Variants in MECOM observed in about 807,000 individuals in gnomAD.
The protein encoded by MECOM is histone-lysine N-methyltransferase MECOM.
MECOM carries 13 observed loss-of-function variants against 116.3 expected under a neutral mutation model. The ratio of observed to expected loss-of-function variants is 0.11; its 90% CI spans 0.07 to 0.18. The LOEUF is 0.18. Among genes scored for constraint, MECOM ranks in the 10% least tolerant of loss-of-function variants. The pLI is 1.00. For synonymous variants in MECOM, 528 were observed against 535.2 expected (o/e 0.99, Z 0.19); for missense variants, 1,299 against 1,509.0 (o/e 0.86, Z 2.31).
At chr3:169,619,727 C>CT (rs1454880710) in intron 1 of MECOM, among the ~76,000 whole-genome samples, 1 of 152,132 alleles carries the variant, frequency 6.6e-6, no homozygotes, top group Middle Eastern at 3.2e-3. Context: ...CTGAACAGCC[C>CT]TACTCTCCCC....
At chr3:169,394,692 C>T (rs758322575) in intron 1 of MECOM, among the ~76,000 whole-genome samples, 1 of 152,050 alleles carries the variant, frequency 6.6e-6, no homozygotes, top group Non-Finnish European at 1.5e-5. Context: ...TATTATGAGC[C>T]ATAGGAGATG....
intron 1 of MECOM, among the ~76,000 whole-genome samples, chr3:169,600,373 G>A (rs1022534448): frequency 4.6e-5 from 7 of 152,132 alleles, no homozygotes; most frequent in African/African-American, 1.7e-4. Flanking sequence ...AGAAAGTCAA[G>A]AATTAGTCAC....
At chr3:169,285,179 T>C (rs1337217931) in intron 2 of MECOM, among the ~76,000 whole-genome samples, 4 of 152,176 alleles carry the variant, frequency 2.6e-5, no homozygotes, top group African/African-American at 9.7e-5. Context: ...TCTGGGCCAT[T>C]ATGAAAAGTG....
intron 1 of MECOM, among the ~76,000 whole-genome samples, chr3:169,382,621 A>T (rs992312494): frequency 2.0e-5 from 3 of 152,096 alleles, no homozygotes; most frequent in African/African-American, 7.2e-5. Flanking sequence ...ATAGAACTTC[A>T]AGGAAGGAAC....
intron 9 of MECOM, among the ~76,000 whole-genome samples, chr3:169,109,054 T>C (rs2149014608): frequency 6.6e-6 from 1 of 152,274 alleles, no homozygotes; most frequent in Non-Finnish European, 1.5e-5. Flanking sequence ...CAAAATGACT[T>C]CCATGGATGT....
intron 1 of MECOM, among the ~76,000 whole-genome samples, chr3:169,652,042 A>G (rs1410664686): frequency 2.0e-5 from 3 of 152,364 alleles, no homozygotes; most frequent in Admixed American, 2.0e-4. Flanking sequence ...AAAGATTGAT[A>G]AAAACTTTAA....
At chr3:169,518,951 T>C (rs1757033638) in intron 1 of MECOM, among the ~76,000 whole-genome samples, 1 of 152,216 alleles carries the variant, frequency 6.6e-6, no homozygotes, top group Admixed American at 6.5e-5. Flanking sequence ...CCCAGCCATG[T>C]GGAATGGTAA....
At position 169,534,997 on chromosome 3, in the gene MECOM, A is replaced by G. The variant is rs143455069; in HGVS notation, c.37+128339T>C. 2.0e-4 allele frequency among the ~76,000 whole-genome samples: 31 copies of G among 152,266 alleles called. No homozygotes were observed. In the Middle Eastern group the frequency reaches 0.01, roughly 50 times the overall value. ...TCCCCAGTTCTTTCCTTTCTCTTTC[A>G]CTCAAGGAGGAACAGGGACTTGGTG... On this transcript the variant is annotated intron_variant, in intron 1 of 16. Coordinates refer to ENST00000651503, the MANE Select transcript of MECOM (RefSeq NM_004991.4).
chr3:169,146,047 G>T, intron 2 of MECOM: 1 of 242,240 alleles, frequency 4.1e-6, no homozygotes, highest in Non-Finnish European at 7.7e-6. Context: ...TAATCGTGTC[G>T]GAAATCTCGA....
chr3:169,425,165 A>C (rs1217588820), intron 1 of MECOM, among the ~76,000 whole-genome samples: 1 of 149,992 alleles, frequency 6.7e-6, no homozygotes, highest in Non-Finnish European at 1.5e-5. Flanking sequence ...AAGCTTACAG[A>C]ATAAAAATCT....
chr3:169,663,069 C>A (rs1447352728), intron 1 of MECOM, among the ~76,000 whole-genome samples: 3 of 149,674 alleles, frequency 2.0e-5, no homozygotes, highest in Non-Finnish European at 3.0e-5. Context: ...CCCCCACCCC[C>A]ACCCCCACCC....
intron 1 of MECOM, among the ~76,000 whole-genome samples, chr3:169,480,412 C>T (rs544436308): frequency 6.6e-6 from 1 of 152,138 alleles, no homozygotes; most frequent in African/African-American, 2.4e-5. Flanking sequence ...CCCTACACTG[C>T]TCTTCCTCCT....
chr3:169,269,505 G>A (rs769340858), intron 2 of MECOM, among the ~76,000 whole-genome samples: 2 of 152,122 alleles, frequency 1.3e-5, no homozygotes, highest in Non-Finnish European at 2.9e-5. Context: ...AACTCAAAAC[G>A]CACTCAGGGT....
intron 2 of MECOM, among the ~76,000 whole-genome samples, chr3:169,169,386 A>G (rs1023383758): frequency 2.6e-5 from 4 of 152,186 alleles, no homozygotes; most frequent in African/African-American, 9.6e-5. Flanking sequence ...TTCAAACTGA[A>G]ATAATCAATA....
intron 2 of MECOM, among the ~76,000 whole-genome samples, chr3:169,278,165 T>C (rs531446194): frequency 1.3e-5 from 2 of 152,366 alleles, no homozygotes; most frequent in African/African-American, 4.8e-5. Flanking sequence ...CATCAGGCTC[T>C]GTACCAACAT....
intron 2 of MECOM, among the ~76,000 whole-genome samples, chr3:169,274,022 C>T (rs1186494872): frequency 6.6e-6 from 1 of 151,590 alleles, no homozygotes; most frequent in Admixed American, 6.6e-5. Flanking sequence ...AGTGAGTCTC[C>T]TGCCTCAGCC....
intron 1 of MECOM, among the ~76,000 whole-genome samples, chr3:169,459,409 G>C (rs887602279): frequency 3.3e-5 from 5 of 152,180 alleles, no homozygotes; most frequent in African/African-American, 4.8e-5. Context: ...AACTTCACTG[G>C]TTCATGTTAA....
chr3:169,334,351 G>A (rs977188699), intron 2 of MECOM, among the ~76,000 whole-genome samples: 7 of 152,098 alleles, frequency 4.6e-5, no homozygotes, highest in African/African-American at 1.4e-4. Flanking sequence ...TGCAAAATAC[G>A]GTGAAGCACC....
chr3:169,498,405 G>C (rs937289772), intron 1 of MECOM, among the ~76,000 whole-genome samples: 4 of 152,076 alleles, frequency 2.6e-5, no homozygotes, highest in African/African-American at 9.7e-5. Flanking sequence ...AAGCAAGAAA[G>C]TTTTCATGGA....
Sources: gnomAD v4.1 joint callset for allele counts (sites outside exome capture counted in the v4.1 genomes callset) on GRCh38, gnomAD v4.1.1 for gene constraint, MANE v1.5 for transcripts, NCBI Gene and HGNC (gene_info 2026-07-23, HGNC 2026-07-21) for gene names.